Variants in ATP6V1E1 observed in about 807,000 individuals in gnomAD.
The protein encoded by ATP6V1E1 is V-type proton ATPase subunit E 1.
Under a neutral mutation model 35.2 loss-of-function variants are expected in ATP6V1E1, and 21 were observed. That is an observed-to-expected ratio of 0.60 (90% CI 0.42 to 0.86). The LOEUF (loss-of-function observed/expected upper bound fraction) is 0.86, where lower values mean the gene tolerates loss of function less well. Ranked by LOEUF, ATP6V1E1 falls within the 40% of genes least tolerant of loss-of-function variation. The pLI is 0.00. For synonymous variants in ATP6V1E1, 83 were observed against 87.8 expected (o/e 0.95, Z 0.30); for missense variants, 183 against 272.6 (o/e 0.67, Z 2.32).
At chr22:17,597,995 A>C in intron 7 of ATP6V1E1, 199 bp downstream of exon 7, 1 of 552,560 alleles carries the variant, frequency 1.8e-6, no homozygotes, top group East Asian at 3.1e-5. Context: ...CTTTTAGAGT[A>C]TATTTAGCCA....
chr22:17,616,346 T>C (rs1441020319), intron 2 of ATP6V1E1, among the ~76,000 whole-genome samples: 1 of 146,526 alleles, frequency 6.8e-6, no homozygotes, highest in Non-Finnish European at 1.5e-5. Context: ...AGACTCCGTC[T>C]CAAAACTAAA....
At chr22:17,599,738 G>A (rs2057752503) in intron 6 of ATP6V1E1, among the ~76,000 whole-genome samples, 1 of 151,560 alleles carries the variant, frequency 6.6e-6, no homozygotes. Context: ...TGGCCAACAT[G>A]GTGAAACCCT....
chr22:17,626,307 CAAA>C (rs928655426), intron 1 of ATP6V1E1, among the ~76,000 whole-genome samples: 9 of 61,978 alleles, frequency 1.5e-4, no homozygotes, highest in African/African-American at 2.5e-4. Context: ...GACTTCGTCT[CAAA>C]AAAAAAAAAA....
chr22:17,605,205 CAAAAAA>C (rs898076791), intron 4 of ATP6V1E1, among the ~76,000 whole-genome samples: 2 of 54,882 alleles, frequency 3.6e-5, no homozygotes, highest in African/African-American at 1.6e-4. Flanking sequence ...GACTTCATCT[CAAAAAA>C]AAAAAAAAAA....
intron 1 of ATP6V1E1, among the ~76,000 whole-genome samples, chr22:17,623,069 T>G (rs1001013275): frequency 6.6e-6 from 1 of 152,218 alleles, no homozygotes; most frequent in East Asian, 1.9e-4. Flanking sequence ...ACTTTTCTTT[T>G]TTTTCTTATT....
At position 17,617,043 on chromosome 22, in the gene ATP6V1E1, G is replaced by A. The variant is rs1434314775; in HGVS notation, c.99+2418C>T. 1.9e-4 allele frequency among the ~76,000 whole-genome samples: 11 copies of A among 59,152 alleles called. 3 individuals carry two copies. The highest frequency in any genetic ancestry group is 7.3e-4 in the Admixed American group (5 of 6,888). The allele number at this position is 59,152 out of a possible 152,430, so 38.8% of individuals were successfully genotyped here. A position where few individuals can be genotyped will look rare whatever the true frequency, so the allele number is the denominator to read the frequency against. On this transcript the variant is annotated intron_variant, in intron 2 of 8. Coordinates refer to ENST00000253413, the MANE Select transcript of ATP6V1E1 (RefSeq NM_001696.4). The stretch of plus-strand genomic sequence containing the variant: ...AGCCTGGGCGACAGAGCGAGACTCC[G>A]TCTCAAAAAAAAAAAAAAAAGAGTC...
At chr22:17,624,946 G>T (rs1173908932) in intron 1 of ATP6V1E1, among the ~76,000 whole-genome samples, 1 of 152,122 alleles carries the variant, frequency 6.6e-6, no homozygotes, top group Non-Finnish European at 1.5e-5. Context: ...GAACAAGAGG[G>T]AGAGAATTAG....
At chr22:17,614,912 T>C (rs2057835089) in intron 2 of ATP6V1E1, among the ~76,000 whole-genome samples, 2 of 147,760 alleles carry the variant, frequency 1.4e-5, no homozygotes, top group African/African-American at 5.1e-5. Context: ...GAACTTGCAG[T>C]GAACCGAGAT....
At chr22:17,601,027 T>C (rs2057759210) in intron 5 of ATP6V1E1, 65 bp downstream of exon 5, 3 of 1,362,724 alleles carry the variant, frequency 2.2e-6, no homozygotes. Flanking sequence ...AGCTGGTCTC[T>C]AATAGGCATT....
At position 17,592,737 on chromosome 22, in the gene ATP6V1E1, C is replaced by T; in HGVS notation, c.619-1G>A. 6.2e-7 allele frequency: 1 copy of T among 1,611,942 alleles called. No homozygotes were observed. Among genetic ancestry groups the T allele is most frequent in the South Asian group, 1.1e-5 (1 of 91,060 alleles). ...AGGCTCCCCGGACTTCTGGCATCATCTGTGGAGAGAAAGTGTAATAAATAC... is the reference window on the plus strand; with the variant it reads ...AGGCTCCCCGGACTTCTGGCATCATTTGTGGAGAGAAAGTGTAATAAATAC... On this transcript the variant is annotated splice_acceptor_variant, in intron 8 of 8. Coordinates refer to ENST00000253413, the MANE Select transcript of ATP6V1E1 (RefSeq NM_001696.4). LOFTEE classifies it high-confidence loss of function.
At chr22:17,620,959 G>A (rs2057873637) in intron 1 of ATP6V1E1, among the ~76,000 whole-genome samples, 1 of 152,122 alleles carries the variant, frequency 6.6e-6, no homozygotes, top group Non-Finnish European at 1.5e-5. Context: ...CTACTTGGGA[G>A]GCTGAGGCAG....
rs142728778 is a variant in ATP6V1E1 at position 17,625,038 on chromosome 22, A to C, written c.33+3565T>G. ...TTTCCTATATTGAAAGAAGCAGAAGAAGCAGTGAACAGAAGAAGCAGTGAA... is the reference window on the plus strand; with the variant it reads ...TTTCCTATATTGAAAGAAGCAGAAGCAGCAGTGAACAGAAGAAGCAGTGAA... On this transcript the variant is annotated intron_variant, in intron 1 of 8. Transcript: ENST00000253413. Among the ~76,000 whole-genome samples, 918 of 152,262 alleles carry C rather than the reference A, an allele frequency of 6.0e-3. 6 individuals carry two copies. Among genetic ancestry groups the C allele is most frequent in the African/African-American group, 0.021 (853 of 41,548 alleles).
chr22:17,607,592 T>C (rs895768168), intron 4 of ATP6V1E1, among the ~76,000 whole-genome samples: 2 of 149,516 alleles, frequency 1.3e-5, no homozygotes, highest in African/African-American at 2.4e-5. Context: ...GTCTTCTCTT[T>C]CTGCTGCCAC....
intron 1 of ATP6V1E1, 35 bp downstream of exon 1, chr22:17,628,568 G>A: frequency 1.2e-6 from 2 of 1,613,782 alleles, no homozygotes; most frequent in Non-Finnish European, 1.7e-6. Context: ...CGGGACTGCC[G>A]CCGCGGCTTC....
chr22:17,624,919 CAAG>C (rs1330717835), intron 1 of ATP6V1E1, among the ~76,000 whole-genome samples: 1 of 151,920 alleles, frequency 6.6e-6, no homozygotes, highest in Non-Finnish European at 1.5e-5. Flanking sequence ...TATATTATGA[CAAG>C]GAGGGAAGAA....
intron 4 of ATP6V1E1, among the ~76,000 whole-genome samples, chr22:17,607,563 G>T (rs1179622370): frequency 6.7e-6 from 1 of 149,222 alleles, no homozygotes; most frequent in Admixed American, 6.7e-5. Flanking sequence ...TACCTTTTTA[G>T]GATCTCTGGA....
rs948422652 is a variant in ATP6V1E1, at chr22:17,620,156, T to G, written c.34-630A>C. Among the ~76,000 whole-genome samples, 90 of 151,542 alleles carry G rather than the reference T, an allele frequency of 5.9e-4. 1 individual carries two copies. Among genetic ancestry groups the G allele is most frequent in the Admixed American group, 5.9e-4 (9 of 15,188 alleles). ...GTTCAGCAACCTTCCCTTTGTTTTT[T>G]TTTTTTTTTGAGACAGAGTCTCGCT... On this transcript the variant is annotated intron_variant, in intron 1 of 8. Transcript: ENST00000253413.
intron 7 of ATP6V1E1, among the ~76,000 whole-genome samples, chr22:17,595,760 G>T (rs1161799472): frequency 1.3e-5 from 2 of 152,012 alleles, no homozygotes; most frequent in Non-Finnish European, 2.9e-5. Flanking sequence ...GGCAGAGGTT[G>T]CAGCAAGCCG....
chr22:17,601,803 C>T (rs981485896), intron 4 of ATP6V1E1, among the ~76,000 whole-genome samples: 1 of 152,222 alleles, frequency 6.6e-6, no homozygotes, highest in African/African-American at 2.4e-5. Context: ...GACAAGGTTT[C>T]ACCATGTTGG....
Sources: allele counts gnomAD v4.1 joint callset (sites outside exome capture counted in the v4.1 genomes callset), GRCh38; gene constraint gnomAD v4.1.1; transcripts MANE v1.5; gene names NCBI Gene and HGNC (gene_info 2026-07-23, HGNC 2026-07-21).